The following DLG2 variants were observed in gnomAD, a reference collection of about 807,000 sequenced individuals.
The protein encoded by DLG2 is disks large homolog 2.
DLG2 carries 45 observed loss-of-function variants against 132.5 expected under a neutral mutation model. The ratio of observed to expected loss-of-function variants is 0.34; its 90% CI spans 0.27 to 0.44. The LOEUF (loss-of-function observed/expected upper bound fraction) is 0.44, where lower values mean the gene tolerates loss of function less well. DLG2 is among the 20% of genes least tolerant of loss of function. DLG2 has a pLI of 1.00. For synonymous variants in DLG2, 424 were observed against 419.6 expected (o/e 1.01, Z -0.13); for missense variants, 1,045 against 1,196.9 (o/e 0.87, Z 1.87).
chr11:85,530,533 G>C (rs956902017), intron 3 of DLG2, among the ~76,000 whole-genome samples: 5 of 151,584 alleles, frequency 3.3e-5, no homozygotes, highest in Admixed American at 2.6e-4. Flanking sequence ...ATATTGGCTA[G>C]GCTGGTCTTG....
chr11:85,569,685 T>A (rs2077732490), intron 3 of DLG2, among the ~76,000 whole-genome samples: 1 of 152,032 alleles, frequency 6.6e-6, no homozygotes, highest in African/African-American at 2.4e-5. Context: ...CGTACATGAG[T>A]CAGAATGACT....
At position 85,183,720 on chromosome 11, in the gene DLG2, C is replaced by T. The variant is rs182825784; in HGVS notation, c.187-29069G>A. Reference sequence around the variant, plus strand: ...CAGCAACTCCAGTCCAAATTAAGTCCAAATTAGCCATGCTCCTATTACCTC... The same window carrying T: ...CAGCAACTCCAGTCCAAATTAAGTCTAAATTAGCCATGCTCCTATTACCTC... On this transcript the variant is annotated intron_variant, in intron 4 of 27. Coordinates refer to ENST00000376104, the MANE Select transcript of DLG2 (RefSeq NM_001142699.3). Among the ~76,000 whole-genome samples the T allele has an allele frequency of 1.6e-3, 240 of 151,978 alleles. 1 individual carries two copies. The highest frequency in any genetic ancestry group is 5.7e-3 in the African/African-American group (235 of 41,500).
chr11:84,216,299 A>G (rs1234959287), intron 8 of DLG2, among the ~76,000 whole-genome samples: 1 of 152,204 alleles, frequency 6.6e-6, no homozygotes, highest in African/African-American at 2.4e-5. Context: ...CAGAAAATCC[A>G]GGATAATCTC....
chr11:84,179,726 A>G (rs1357389185), intron 8 of DLG2, among the ~76,000 whole-genome samples: 3 of 152,188 alleles, frequency 2.0e-5, no homozygotes, highest in African/African-American at 7.2e-5. Flanking sequence ...TTATTTTACC[A>G]GAGCCTAACC....
At chr11:84,087,693 A>G (rs1386694479) in intron 10 of DLG2, among the ~76,000 whole-genome samples, 1 of 152,160 alleles carries the variant, frequency 6.6e-6, no homozygotes, top group Non-Finnish European at 1.5e-5. Context: ...CAATGAAGAG[A>G]TAGGATGATG....
At chr11:83,822,961 G>A (rs573633404) in intron 17 of DLG2, among the ~76,000 whole-genome samples, 1 of 152,134 alleles carries the variant, frequency 6.6e-6, no homozygotes, top group South Asian at 2.1e-4. Context: ...TTAGAAAACT[G>A]TTGAACCCTT....
At chr11:84,300,449 T>A (rs2098139329) in intron 7 of DLG2, among the ~76,000 whole-genome samples, 1 of 152,196 alleles carries the variant, frequency 6.6e-6, no homozygotes, top group South Asian at 2.1e-4. Flanking sequence ...CATAGATCAC[T>A]CATGACGATG....
intron 18 of DLG2, among the ~76,000 whole-genome samples, chr11:83,674,668 A>G (rs966940536): frequency 2.6e-5 from 4 of 152,358 alleles, no homozygotes; most frequent in Non-Finnish European, 4.4e-5. Context: ...CTACCTGGTC[A>G]CTGCACCCTT....
At position 85,207,838 on chromosome 11, in the gene DLG2, C is replaced by T. The variant is rs956890709; in HGVS notation, c.187-53187G>A. 6.6e-5 allele frequency among the ~76,000 whole-genome samples: 10 copies of T among 151,930 alleles called. No individual in the cohort carries two copies. In the East Asian group the frequency reaches 1.8e-3, roughly 27 times the overall value. On this transcript the variant is annotated intron_variant, in intron 4 of 27. Transcript: ENST00000376104. Reference sequence around the variant, plus strand: ...ATCTATCTCTCCAGCCTCCTTTTTACCCCTAGACTCTAACATAACTATTCC... The same window carrying T: ...ATCTATCTCTCCAGCCTCCTTTTTATCCCTAGACTCTAACATAACTATTCC...
At chr11:83,623,241 T>C (rs965646257) in intron 19 of DLG2, among the ~76,000 whole-genome samples, 4 of 152,214 alleles carry the variant, frequency 2.6e-5, no homozygotes, top group Non-Finnish European at 5.9e-5. Flanking sequence ...TGACTCTGGT[T>C]AAATAATTTT....
intron 6 of DLG2, among the ~76,000 whole-genome samples, chr11:84,667,467 A>AG (rs1364613432): frequency 1.4e-5 from 2 of 141,540 alleles, no homozygotes; most frequent in Admixed American, 1.4e-4. Context: ...CATTGATTCA[A>AG]GTTTTTTTTT....
chr11:83,759,567 C>T (rs1194254803), intron 18 of DLG2, among the ~76,000 whole-genome samples: 1 of 151,978 alleles, frequency 6.6e-6, no homozygotes, highest in Non-Finnish European at 1.5e-5. Context: ...AGTAGTTCCT[C>T]CCTGCATTCA....
intron 6 of DLG2, among the ~76,000 whole-genome samples, chr11:84,644,599 G>A (rs927661669): frequency 4.7e-4 from 72 of 151,888 alleles, no homozygotes; most frequent in Middle Eastern, 3.4e-3. Flanking sequence ...CCAGCTGCTT[G>A]GGAGGCTGAG....
At chr11:84,719,682 G>A (rs186805602) in intron 6 of DLG2, among the ~76,000 whole-genome samples, 1 of 152,200 alleles carries the variant, frequency 6.6e-6, no homozygotes, top group Admixed American at 6.5e-5. Flanking sequence ...ATCTGGGGTG[G>A]GACAGTTATT....
At chr11:85,518,499 AAGCAGCAAAGCAT>A (rs2094213637) in intron 3 of DLG2, among the ~76,000 whole-genome samples, 1 of 152,224 alleles carries the variant, frequency 6.6e-6, no homozygotes, top group Non-Finnish European at 1.5e-5. Flanking sequence ...AGAAACATCT[AAGCAGCAAAGCAT>A]TCAAGAGGTG....
chr11:85,271,888 C>G (rs556710), intron 4 of DLG2, among the ~76,000 whole-genome samples: 95,929 of 151,936 alleles, frequency 0.63, 30,677 homozygotes, highest in Middle Eastern at 0.74. Flanking sequence ...TCAGATGAAA[C>G]TTTGGACTGT....
At chr11:85,351,935 G>A (rs1236236294) in intron 3 of DLG2, among the ~76,000 whole-genome samples, 1 of 152,156 alleles carries the variant, frequency 6.6e-6, no homozygotes, top group Non-Finnish European at 1.5e-5. Flanking sequence ...AAATGAGTTA[G>A]GGAGGATTCT....
At chr11:84,307,000 C>A (rs532309423) in intron 7 of DLG2, among the ~76,000 whole-genome samples, 1 of 152,078 alleles carries the variant, frequency 6.6e-6, no homozygotes, top group Non-Finnish European at 1.5e-5. Flanking sequence ...AGTATATACC[C>A]GAAGGAATAT....
At chr11:84,826,758 C>T (rs1351069803) in intron 6 of DLG2, among the ~76,000 whole-genome samples, 2 of 151,846 alleles carry the variant, frequency 1.3e-5, no homozygotes, top group East Asian at 2.0e-4. Flanking sequence ...CTAACCAGGA[C>T]AACCTCTGCT....
Sources: allele counts gnomAD v4.1 joint callset (sites outside exome capture counted in the v4.1 genomes callset), GRCh38; gene constraint gnomAD v4.1.1; transcripts MANE v1.5; gene names NCBI Gene and HGNC (gene_info 2026-07-23, HGNC 2026-07-21).